Variants in USH2A observed in about 807,000 individuals in gnomAD.
USH2A encodes Usher syndrome 2A (autosomal recessive, mild).
A neutral mutation model predicts 538.9 loss-of-function variants in USH2A; 443 were observed. The observed-to-expected ratio is 0.82, with a 90% CI of 0.76 to 0.89. The LOEUF (loss-of-function observed/expected upper bound fraction) is 0.89, where lower values mean the gene tolerates loss of function less well. USH2A is among the 40% of genes least tolerant of loss of function. USH2A has a pLI of 0.00. For synonymous variants in USH2A, 2,413 were observed against 2,273.5 expected (o/e 1.06, Z -1.75); for missense variants, 6,633 against 6,324.8 (o/e 1.05, Z -1.65).
intron 32 of USH2A, among the ~76,000 whole-genome samples, chr1:216,040,442 G>C (rs547897431): frequency 1.3e-5 from 2 of 151,982 alleles, no homozygotes; most frequent in Non-Finnish European, 2.9e-5. Flanking sequence ...TCCTTGCCGG[G>C]TTTGGTGGAG....
intron 9 of USH2A, among the ~76,000 whole-genome samples, chr1:216,310,840 G>T (rs2037407995): frequency 6.6e-6 from 1 of 152,160 alleles, no homozygotes; most frequent in Non-Finnish European, 1.5e-5. Context: ...GCCAGTCCCT[G>T]GTTCCCTGCT....
chr1:216,038,513 T>G (rs2030101374), intron 32 of USH2A, among the ~76,000 whole-genome samples: 1 of 152,006 alleles, frequency 6.6e-6, no homozygotes, highest in South Asian at 2.1e-4. Context: ...TCTTATTCTA[T>G]TTATATTGAG....
chr1:215,870,034 A>C (rs892019391), intron 43 of USH2A, among the ~76,000 whole-genome samples: 1 of 152,196 alleles, frequency 6.6e-6, no homozygotes, highest in Non-Finnish European at 1.5e-5. Flanking sequence ...AGTGTGTGCT[A>C]CATCATACAG....
At chr1:216,025,892 C>A (rs1043196051) in intron 32 of USH2A, among the ~76,000 whole-genome samples, 2 of 152,020 alleles carry the variant, frequency 1.3e-5, no homozygotes, top group Non-Finnish European at 2.9e-5. Context: ...ACTTTCTAAT[C>A]TCCCTACATG....
chr1:215,912,816 C>G (rs184137207), intron 38 of USH2A, among the ~76,000 whole-genome samples: 1,613 of 152,150 alleles, frequency 0.011, 15 homozygotes, highest in Non-Finnish European at 0.017. Flanking sequence ...CCACCCTTCA[C>G]CCTCGAGTAG....
chr1:216,406,114 C>T (rs2039390798), intron 3 of USH2A, among the ~76,000 whole-genome samples: 2 of 152,086 alleles, frequency 1.3e-5, no homozygotes, highest in Non-Finnish European at 2.9e-5. Flanking sequence ...AACTTTTCTG[C>T]AACTCGGCTG....
At chr1:216,148,056 T>C (rs2033748549) in intron 21 of USH2A, among the ~76,000 whole-genome samples, 1 of 151,006 alleles carries the variant, frequency 6.6e-6, no homozygotes, top group Admixed American at 6.6e-5. Flanking sequence ...CCCTAGACCA[T>C]CACGGACGCC....
chr1:215,680,115 C>A (rs1337855253), intron 62 of USH2A, 34 bp downstream of exon 62: 16 of 1,606,614 alleles, frequency 1.0e-5, no homozygotes, highest in Non-Finnish European at 1.3e-5. Context: ...CTGGAGAACA[C>A]CAAACATAAT....
chr1:216,146,594 AG>A (rs1190702526), intron 21 of USH2A, among the ~76,000 whole-genome samples: 2 of 152,082 alleles, frequency 1.3e-5, no homozygotes, highest in Non-Finnish European at 1.5e-5. Context: ...CTAGGGGGCA[AG>A]AAACCCCCAA....
At chr1:216,397,352 A>T (rs970337903) in intron 3 of USH2A, among the ~76,000 whole-genome samples, 1 of 152,168 alleles carries the variant, frequency 6.6e-6, no homozygotes, top group Non-Finnish European at 1.5e-5. Flanking sequence ...GTGATGGTTA[A>T]TATTAATTTG....
At chr1:215,854,075 A>C (rs1571749980) in intron 44 of USH2A, among the ~76,000 whole-genome samples, 2 of 152,328 alleles carry the variant, frequency 1.3e-5, no homozygotes, top group South Asian at 4.1e-4. Context: ...CTGCTGATAA[A>C]GACATACTGG....
In USH2A at chr1:216,101,727, A is replaced by G. The variant is rs1477823598; in HGVS notation, c.4628-4514T>C. Among the ~76,000 whole-genome samples, 4 of 152,274 alleles carry G rather than the reference A, an allele frequency of 2.6e-5. No individual in the cohort carries two copies. In the East Asian group the frequency reaches 5.8e-4, roughly 22 times the overall value. ...TGATTTTCAAAAAATGAGACAGGAA[A>G]TGTTCTAAAGTTCAGTGTTTTGGTT... On this transcript the variant is annotated intron_variant, in intron 21 of 71. Transcript: ENST00000307340.
At position 215,845,955 on chromosome 1, in the gene USH2A, A is replaced by G; in HGVS notation, c.8924T>C (p.Ile2975Thr). 1 of 1,613,916 alleles carries G rather than the reference A, an allele frequency of 6.2e-7. No individual in the cohort carries two copies. Among genetic ancestry groups the G allele is most frequent in the Non-Finnish European group, 8.5e-7 (1 of 1,179,928 alleles). ...GACATGAGAGTTTACATCTGGCAAG[A>G]TTTTTAGAGAGTCGTTTGAGGTAGC... The part of the protein sequence containing the change: ...SSATSNDSLK[I>T]LPDVNSHVIG... The change falls in exon 45 of 72, where the codon ATC (isoleucine) becomes ACC (threonine). Residue 2975 changes from isoleucine (I) to threonine (T), a missense_variant. Transcript: ENST00000307340.
chr1:216,016,434 C>T (rs1668713193), intron 32 of USH2A, among the ~76,000 whole-genome samples: 1 of 152,156 alleles, frequency 6.6e-6, no homozygotes, highest in African/African-American at 2.4e-5. Context: ...AAACCACATA[C>T]TAAACTCAAC....
At chr1:216,044,569 CAATTAT>C (rs1028924179) in intron 32 of USH2A, among the ~76,000 whole-genome samples, 51 of 152,040 alleles carry the variant, frequency 3.4e-4, no homozygotes, top group African/African-American at 1.2e-3. Context: ...CAGGAGATAA[CAATTAT>C]AACTTCTCTT....
intron 21 of USH2A, among the ~76,000 whole-genome samples, chr1:216,107,831 G>A (rs965439134): frequency 6.6e-6 from 1 of 151,244 alleles, no homozygotes; most frequent in African/African-American, 2.4e-5. Context: ...GGCTCTCTAA[G>A]GATCATCATA....
intron 32 of USH2A, among the ~76,000 whole-genome samples, chr1:216,025,405 T>TTTTTTTTTTTTTTTGA (rs1668939082): frequency 6.6e-6 from 1 of 151,994 alleles, no homozygotes; most frequent in Non-Finnish European, 1.5e-5. Context: ...TTTTATTTTC[T>TTTTTTTTTTTTTTTGA]GAATTAGTCT....
intron 46 of USH2A, among the ~76,000 whole-genome samples, chr1:215,843,868 CA>C (rs1215951311): frequency 6.6e-6 from 1 of 151,932 alleles, no homozygotes; most frequent in Non-Finnish European, 1.5e-5. Context: ...AAATTGACAC[CA>C]AGTGAAGTTT....
chr1:215,892,172 T>C (rs973967808), intron 40 of USH2A, among the ~76,000 whole-genome samples: 1 of 152,162 alleles, frequency 6.6e-6, no homozygotes, highest in African/African-American at 2.4e-5. Flanking sequence ...TGTATACATG[T>C]GTATGAATAC....
Sources: allele counts gnomAD v4.1 joint callset (sites outside exome capture counted in the v4.1 genomes callset), GRCh38; gene constraint gnomAD v4.1.1; transcripts MANE v1.5; gene names NCBI Gene and HGNC (gene_info 2026-07-23, HGNC 2026-07-21).